The following ABL1 variants were observed in gnomAD, a reference collection of about 807,000 sequenced individuals.
ABL1 encodes tyrosine-protein kinase ABL1.
Under a neutral mutation model 94.7 loss-of-function variants are expected in ABL1, and 11 were observed. The ratio of observed to expected loss-of-function variants is 0.12; its 90% CI spans 0.07 to 0.19. The LOEUF (loss-of-function observed/expected upper bound fraction) is 0.19, where lower values mean the gene tolerates loss of function less well. ABL1 is among the 10% of genes least tolerant of loss of function. The pLI is 1.00. For missense variants in ABL1, 1,082 were observed against 1,489.4 expected (o/e 0.73, Z 4.50); for synonymous variants, 656 against 622.4 (o/e 1.05, Z -0.80).
intron 3 of ABL1, among the ~76,000 whole-genome samples, chr9:130,859,002 G>A (rs796334783): frequency 3.3e-5 from 5 of 152,268 alleles, no homozygotes; most frequent in African/African-American, 4.8e-5. Flanking sequence ...ATACTAAACC[G>A]AGCCGTTGCC....
At chr9:130,806,672 T>G (rs1270363437) in intron 1 of ABL1, among the ~76,000 whole-genome samples, 2 of 152,168 alleles carry the variant, frequency 1.3e-5, no homozygotes, top group Non-Finnish European at 2.9e-5. Flanking sequence ...AATTATGACA[T>G]AAAATGTTAT....
chr9:130,824,541 A>G (rs939295560), intron 1 of ABL1, among the ~76,000 whole-genome samples: 5 of 152,174 alleles, frequency 3.3e-5, no homozygotes, highest in Non-Finnish European at 5.9e-5. Context: ...TGACACATAC[A>G]TTTAACCACC....
chr9:130,792,589 G>C (rs1829923993), intron 1 of ABL1, among the ~76,000 whole-genome samples: 1 of 152,106 alleles, frequency 6.6e-6, no homozygotes, highest in Non-Finnish European at 1.5e-5. Flanking sequence ...CGGAATTGGG[G>C]GAGGGTATAA....
chr9:130,787,154 C>T (rs12338083), intron 1 of ABL1, among the ~76,000 whole-genome samples: 35,876 of 152,072 alleles, frequency 0.24, 6,024 homozygotes, highest in African/African-American at 0.48. Context: ...GTAGCCTGCC[C>T]GTGTCATTGC....
At chr9:130,811,155 A>C (rs1830203445) in intron 1 of ABL1, among the ~76,000 whole-genome samples, 1 of 152,220 alleles carries the variant, frequency 6.6e-6, no homozygotes, top group African/African-American at 2.4e-5. Flanking sequence ...TACAAGAAAT[A>C]TCAAAGGATG....
intron 1 of ABL1, among the ~76,000 whole-genome samples, chr9:130,826,034 T>G (rs1466926555): frequency 6.6e-6 from 1 of 152,232 alleles, no homozygotes; most frequent in Non-Finnish European, 1.5e-5. Context: ...ATAGGGGTTT[T>G]CCTTGCTCTG....
intron 1 of ABL1, among the ~76,000 whole-genome samples, chr9:130,717,443 C>T (rs1280236497): frequency 1.3e-5 from 2 of 152,114 alleles, no homozygotes; most frequent in South Asian, 2.1e-4. Flanking sequence ...GTGGCTCGTG[C>T]TTGTAATCCC....
intron 3 of ABL1, among the ~76,000 whole-genome samples, chr9:130,857,053 G>A (rs1353634301): frequency 6.6e-6 from 1 of 152,180 alleles, no homozygotes. Flanking sequence ...CTTACTGTAT[G>A]TAACGCACTC....
chr9:130,752,506 T>C (rs1044441002), intron 1 of ABL1, among the ~76,000 whole-genome samples: 1 of 152,200 alleles, frequency 6.6e-6, no homozygotes, highest in African/African-American at 2.4e-5. Context: ...AATGCCTCTA[T>C]GGTGAATGCC....
chr9:130,748,105 C>T (rs910582980), intron 1 of ABL1, among the ~76,000 whole-genome samples: 17 of 152,190 alleles, frequency 1.1e-4, no homozygotes, highest in African/African-American at 4.1e-4. Context: ...AGTATCTCAT[C>T]ATGGTTTTGC....
intron 4 of ABL1, among the ~76,000 whole-genome samples, chr9:130,869,488 G>A (rs1319867252): frequency 3.3e-5 from 5 of 152,196 alleles, no homozygotes; most frequent in Non-Finnish European, 4.4e-5. Context: ...AGCTAGGTCA[G>A]TATAATCCAC....
At chr9:130,816,344 T>TA (rs1272766006) in intron 1 of ABL1, among the ~76,000 whole-genome samples, 1 of 152,116 alleles carries the variant, frequency 6.6e-6, no homozygotes, top group African/African-American at 2.4e-5. Flanking sequence ...ATTTTTTAAT[T>TA]AAAAATTTTT....
chr9:130,884,570 G>A lies in ABL1; in HGVS notation c.2280G>A (p.Pro760=), dbSNP rs768333449. Residue 760 remains proline, a synonymous_variant, in exon 11 of 11, where the codon CCG becomes CCA. Transcript: ENST00000318560. The surrounding 1 kb of genome is among the most constrained non-coding windows in gnomAD (Gnocchi z 5.6). ...STFGGHKSEK[P]ALPRKRAGEN... ...TTGGAGGGCACAAAAGTGAGAAGCCGGCTCTGCCTCGGAAGAGGGCAGGGG... is the reference window on the plus strand; with the variant it reads ...TTGGAGGGCACAAAAGTGAGAAGCCAGCTCTGCCTCGGAAGAGGGCAGGGG... The A allele has an allele frequency of 3.2e-5, 51 of 1,613,198 alleles. No individual in the cohort carries two copies. The highest frequency in any genetic ancestry group is 1.6e-4 in the Middle Eastern group (1 of 6,084).
chr9:130,812,944 T>C (rs1588248935), intron 1 of ABL1, among the ~76,000 whole-genome samples: 1 of 152,186 alleles, frequency 6.6e-6, no homozygotes, highest in Non-Finnish European at 1.5e-5. Flanking sequence ...CCCGGCGGGT[T>C]GGCTCACGCC....
chr9:130,803,103 G>A (rs1371027803), intron 1 of ABL1, among the ~76,000 whole-genome samples: 2 of 152,064 alleles, frequency 1.3e-5, no homozygotes, highest in South Asian at 2.1e-4. Context: ...GCAATGGCGC[G>A]ATCTCAGCTC....
At chr9:130,717,063 GAC>G (rs1414230483) in intron 1 of ABL1, among the ~76,000 whole-genome samples, 2 of 151,778 alleles carry the variant, frequency 1.3e-5, no homozygotes, top group Admixed American at 1.3e-4. Context: ...TCGTTTTTGC[GAC>G]AGAGTCTTGC....
chr9:130,728,624 T>C (rs1206319024), intron 1 of ABL1, among the ~76,000 whole-genome samples: 3 of 150,784 alleles, frequency 2.0e-5, no homozygotes, highest in Non-Finnish European at 4.4e-5. Context: ...TCTCCTGACC[T>C]TGTGATCCAC....
At chr9:130,804,799 GT>G (rs1179629006) in intron 1 of ABL1, among the ~76,000 whole-genome samples, 1 of 152,104 alleles carries the variant, frequency 6.6e-6, no homozygotes, top group Admixed American at 6.6e-5. Context: ...TGTTAACATT[GT>G]TTTTATATCA....
chr9:130,878,667 C>T (rs1831394170), intron 8 of ABL1, 100 bp downstream of exon 8: 1 of 1,418,930 alleles, frequency 7.0e-7, no homozygotes, highest in South Asian at 1.3e-5. Context: ...TTTCCATGAG[C>T]TCTCTCCATT....
Sources: allele counts gnomAD v4.1 joint callset (sites outside exome capture counted in the v4.1 genomes callset), GRCh38; gene constraint gnomAD v4.1.1; non-coding constraint Gnocchi (gnomAD v3.1); transcripts MANE v1.5; gene names NCBI Gene and HGNC (gene_info 2026-07-23, HGNC 2026-07-21).